TTBK1: variants seen among roughly 807,000 people sequenced by gnomAD.
TTBK1 encodes the protein tau tubulin kinase 1.
TTBK1 carries 34 observed loss-of-function variants against 108.5 expected under a neutral mutation model. That is an observed-to-expected ratio of 0.31 (90% CI 0.24 to 0.42). TTBK1 has a LOEUF of 0.42. Ranked by LOEUF, TTBK1 falls within the 10% of genes least tolerant of loss-of-function variation. The pLI, the probability that TTBK1 is intolerant of heterozygous loss-of-function variation, is 1.00. For missense variants in TTBK1, 1,539 were observed against 1,826.0 expected, an observed-to-expected ratio of 0.84 and a Z score of 2.86; for synonymous variants, 809 against 795.1, an observed-to-expected ratio of 1.02 and a Z score of -0.29.
chr6:43,285,477 G>A lies in TTBK1; in HGVS notation c.*101G>A. On this transcript the variant is annotated 3_prime_UTR_variant, in exon 15 of 15. Coordinates refer to ENST00000259750, the MANE Select transcript of TTBK1 (RefSeq NM_032538.3). The surrounding 1 kb of genome is among the most constrained non-coding windows in gnomAD (Gnocchi z 4.7). ...CCCAGCACAGCCTTACGCGCCCGAC[G>A]CGCGCCACCCGCGGCCCCAGCTTTC... 1.6e-6 allele frequency: 2 copies of A among 1,215,698 alleles called. No individual in the cohort carries two copies. The highest frequency in any genetic ancestry group is 2.0e-6 in the Non-Finnish European group (2 of 979,768). 75.3% of individuals were successfully genotyped at this position (1,215,698 alleles called of 1,614,324 possible). A position where few individuals can be genotyped will look rare whatever the true frequency, so the allele number is the denominator to read the frequency against.
rs1778357370 is a variant in TTBK1 at position 43,285,600 on chromosome 6, C to T, written c.*224C>T. 2 of 414,638 alleles carry T rather than the reference C, an allele frequency of 4.8e-6. No homozygotes were observed. The highest frequency in any genetic ancestry group is 3.9e-6 in the Non-Finnish European group (1 of 258,194). 25.7% of individuals were successfully genotyped at this position (414,638 alleles called of 1,614,324 possible). ...GCCCCGCGCCGCGGGGAGGGTCTGCCTCCCCTTCCTCGCCCTGTGTCCTCT... is the reference window on the plus strand; with the variant it reads ...GCCCCGCGCCGCGGGGAGGGTCTGCTTCCCCTTCCTCGCCCTGTGTCCTCT... On this transcript the variant is annotated 3_prime_UTR_variant, in exon 15 of 15. Transcript: ENST00000259750. This position sits in a 1 kb window ranked among gnomAD's most constrained non-coding sequence, Gnocchi z 4.7.
rs779558883 is a variant in TTBK1, at chr6:43,282,856, C to T, written c.2116C>T (p.Arg706Trp). Residue 706 changes from arginine to tryptophan, a missense_variant, in exon 14 of 15, where the codon CGG becomes TGG. Arg to Trp is a moderately radical substitution (Grantham distance 101). Coordinates refer to ENST00000259750, the MANE Select transcript of TTBK1 (RefSeq NM_032538.3). The surrounding 1 kb of genome is among the most constrained non-coding windows in gnomAD (Gnocchi z 5.4). ...RERARLLNRVRRVGFSHMLLT... is the reference protein window; with the variant it reads ...RERARLLNRVWRVGFSHMLLT... ...ACGGGCGCGGTTGCTCAACAGGGTC[C>T]GGAGGGTGGGCTTCTCGCACATGCT... 17 of 1,613,900 alleles carry T rather than the reference C, an allele frequency of 1.1e-5. No homozygotes were observed. The highest frequency in any genetic ancestry group is 1.4e-5 in the Non-Finnish European group (17 of 1,179,984).
chr6:43,245,715 G>A (rs997051194), intron 1 of TTBK1, among the ~76,000 whole-genome samples: 1 of 152,092 alleles, frequency 6.6e-6, no homozygotes, highest in Non-Finnish European at 1.5e-5. Context: ...GTCCTAATTC[G>A]AGGAGAGATG....
Position 43,269,529 on chromosome 6 carries a change from C to T in TTBK1, c.1986+6179C>T, listed in dbSNP as rs1439626344. The T allele has an allele frequency of 2.4e-6, 3 of 1,272,058 alleles. No individual in the cohort carries two copies. The highest frequency in any genetic ancestry group is 3.1e-6 in the Non-Finnish European group (3 of 958,802). 78.8% of individuals were successfully genotyped at this position (1,272,058 alleles called of 1,614,324 possible). A position where few individuals can be genotyped will look rare whatever the true frequency, so the allele number is the denominator to read the frequency against. ...CCTCCACCCTGCCTGACCCCGCCCA[C>T]TTGCCCGGGACGCCGGCGCCGCAGG... On this transcript the variant is annotated intron_variant, in intron 13 of 14. Coordinates refer to ENST00000259750, the MANE Select transcript of TTBK1 (RefSeq NM_032538.3). The surrounding 1 kb of genome is among the most constrained non-coding windows in gnomAD (Gnocchi z 4.8).
At chr6:43,244,246 T>G (rs1194632984) in intron 1 of TTBK1, among the ~76,000 whole-genome samples, 1 of 152,014 alleles carries the variant, frequency 6.6e-6, no homozygotes, top group African/African-American at 2.4e-5. Context: ...CACACCTCTT[T>G]CACCTGTTCC....
At chr6:43,270,191 G>T in intron 13 of TTBK1, 1 of 1,337,156 alleles carries the variant, frequency 7.5e-7, no homozygotes, top group Non-Finnish European at 9.5e-7. Flanking sequence ...GGTGCAGGGA[G>T]GGGTGGGGCT....
rs1281544517 is a variant in TTBK1, at chr6:43,283,456, G to A, written c.2716G>A (p.Ala906Thr). 3 of 1,613,996 alleles carry A rather than the reference G, an allele frequency of 1.9e-6. No homozygotes were observed. Among genetic ancestry groups the A allele is most frequent in the Admixed American group, 1.7e-5 (1 of 60,024 alleles). Residue 906 changes from alanine (A) to threonine (T), a missense_variant, in exon 14 of 15, where the codon GCC becomes ACC. By Grantham distance (58) the Ala-to-Thr change is moderately conservative (BLOSUM62 0). Coordinates refer to ENST00000259750, the MANE Select transcript of TTBK1 (RefSeq NM_032538.3). The surrounding 1 kb of genome is among the most constrained non-coding windows in gnomAD (Gnocchi z 8.1). ...KPPGPGAGLG[A>T]GTVTTGVGGV... is the part of the protein sequence containing the mutation. ...CCCGGGGCCTGGGGCAGGGCTGGGG[G>A]CCGGGACAGTGACCACAGGGGTCGG...
At chr6:43,268,576 C>T (rs1777741212) in intron 13 of TTBK1, among the ~76,000 whole-genome samples, 1 of 152,198 alleles carries the variant, frequency 6.6e-6, no homozygotes, top group Admixed American at 6.5e-5. Flanking sequence ...TTCAACTGGC[C>T]TCTGTCTCAG....
At chr6:43,258,892 G>T in intron 10 of TTBK1, 146 bp from the exon 11 acceptor site, 1 of 588,622 alleles carries the variant, frequency 1.7e-6, no homozygotes, top group Non-Finnish European at 3.0e-6. Context: ...AATGGTGATG[G>T]GCCTAGGGAC....
intron 12 of TTBK1, among the ~76,000 whole-genome samples, chr6:43,261,426 A>T (rs1299638488): frequency 1.3e-5 from 2 of 152,190 alleles, no homozygotes; most frequent in Non-Finnish European, 2.9e-5. Context: ...CTCCCCACAC[A>T]CACACTACTG....
chr6:43,248,939 T>G (rs1777167521), intron 2 of TTBK1, among the ~76,000 whole-genome samples: 1 of 152,200 alleles, frequency 6.6e-6, no homozygotes, highest in Non-Finnish European at 1.5e-5. Flanking sequence ...CCAGGCATTG[T>G]GCAAAATGCC....
chr6:43,282,712 G>A lies in TTBK1; in HGVS notation c.1987-15G>A, dbSNP rs1230111309. The A allele has an allele frequency of 6.3e-7, 1 of 1,586,868 alleles. No individual in the cohort carries two copies. The highest frequency in any genetic ancestry group is 8.6e-7 in the Non-Finnish European group (1 of 1,167,824). On this transcript the variant is annotated splice_polypyrimidine_tract_variant and intron_variant, in intron 13 of 14. Transcript: ENST00000259750. The surrounding 1 kb of genome is among the most constrained non-coding windows in gnomAD (Gnocchi z 5.4). ...GTGGGTGACCTCAGAGGGTCCCTGTGTATGCCCCTTGCAGGTGTTCTCCGT... is the reference window on the plus strand; with the variant it reads ...GTGGGTGACCTCAGAGGGTCCCTGTATATGCCCCTTGCAGGTGTTCTCCGT...
intron 10 of TTBK1, 137 bp from the exon 11 acceptor site, chr6:43,258,901 A>T: frequency 1.6e-6 from 1 of 616,562 alleles, no homozygotes; most frequent in Non-Finnish European, 2.8e-6. Flanking sequence ...GGGCCTAGGG[A>T]CACTCTCACC....
At chr6:43,244,590 A>G (rs928637232) in intron 1 of TTBK1, among the ~76,000 whole-genome samples, 9 of 152,230 alleles carry the variant, frequency 5.9e-5, no homozygotes, top group African/African-American at 1.7e-4. Context: ...GTCCTCAGAC[A>G]CAGAGAGAAG....
rs1410738634 is a variant in TTBK1, at chr6:43,284,129, A to G, written c.3389A>G (p.Glu1130Gly). 1 of 1,540,912 alleles carries G rather than the reference A, an allele frequency of 6.5e-7. No homozygotes were observed. Among genetic ancestry groups the G allele is most frequent in the South Asian group, 1.2e-5 (1 of 84,786 alleles). The change falls in exon 14 of 15, where the codon GAG (glutamate) becomes GGG (glycine). Residue 1130 changes from glutamate to glycine, a missense_variant. Glu to Gly is a moderately conservative substitution (Grantham distance 98). Coordinates refer to ENST00000259750, the MANE Select transcript of TTBK1 (RefSeq NM_032538.3). Reference protein sequence around the residue: ...ASETLSGTGSEEDTPASEPAA... With the variant: ...ASETLSGTGSGEDTPASEPAA... ...GAGACCCTCTCAGGCACGGGCTCTG[A>G]GGAGGACACGCCCGCCTCTGAGCCG...
intron 13 of TTBK1, among the ~76,000 whole-genome samples, chr6:43,264,382 C>CAAAAT (rs576955654): frequency 1.1e-3 from 172 of 151,938 alleles, no homozygotes; most frequent in Admixed American, 1.5e-3. Flanking sequence ...GACTCTGACT[C>CAAAAT]AAAATAAAAT....
At chr6:43,250,348 C>CTTT (rs555371314) in intron 2 of TTBK1, among the ~76,000 whole-genome samples, 28 of 89,106 alleles carry the variant, frequency 3.1e-4, no homozygotes, top group Admixed American at 4.1e-4. Flanking sequence ...CCTGGCTTTG[C>CTTT]TTTTTTTTTT....
rs906911057 is a variant in TTBK1 at position 43,276,139 on chromosome 6, G to C, written c.1987-6588G>C. Among the ~76,000 whole-genome samples the C allele has an allele frequency of 2.0e-5, 3 of 152,086 alleles. No homozygotes were observed. Among genetic ancestry groups the C allele is most frequent in the Admixed American group, 1.3e-4 (2 of 15,284 alleles). ...TGAGTCCCAGTCGGTTTATTCCTGA[G>C]CCTTCCCCTCCCATCGTAAGTCCTT... On this transcript the variant is annotated intron_variant, in intron 13 of 14. Coordinates refer to ENST00000259750, the MANE Select transcript of TTBK1 (RefSeq NM_032538.3). The surrounding 1 kb of genome is among the most constrained non-coding windows in gnomAD (Gnocchi z 5.4).
intron 13 of TTBK1, among the ~76,000 whole-genome samples, chr6:43,275,326 C>T (rs1018830185): frequency 1.3e-5 from 2 of 151,942 alleles, no homozygotes; most frequent in Non-Finnish European, 2.9e-5. Flanking sequence ...CCCACCCCGC[C>T]GCCGAGGCTT....
Sources: allele counts gnomAD v4.1 joint callset (sites outside exome capture counted in the v4.1 genomes callset), GRCh38; gene constraint gnomAD v4.1.1; non-coding constraint Gnocchi (gnomAD v3.1); transcripts MANE v1.5; gene names NCBI Gene and HGNC (gene_info 2026-07-23, HGNC 2026-07-21).